The following TRIO variants were observed in gnomAD, a reference collection of about 807,000 sequenced individuals.
The protein encoded by TRIO is trio Rho guanine nucleotide exchange factor.
TRIO carries 58 observed loss-of-function variants against 351.9 expected under a neutral mutation model. That is an observed-to-expected ratio of 0.16 (90% CI 0.13 to 0.21). The LOEUF is 0.21. Among genes scored for constraint, TRIO ranks in the 10% least tolerant of loss-of-function variants. The pLI, the probability that TRIO is intolerant of heterozygous loss-of-function variation, is 1.00. For missense variants in TRIO, 3,201 were observed against 4,027.8 expected (o/e 0.79, Z 5.56); for synonymous variants, 1,758 against 1,595.7 (o/e 1.10, Z -2.42).
At chr5:14,448,694 A>G (rs757160620) in intron 34 of TRIO, among the ~76,000 whole-genome samples, 33 of 152,108 alleles carry the variant, frequency 2.2e-4, no homozygotes, top group African/African-American at 8.0e-4. Context: ...GCTGCTGGGC[A>G]TGGATGTCTT....
At chr5:14,221,348 G>A (rs1203682679) in intron 1 of TRIO, among the ~76,000 whole-genome samples, 1 of 152,140 alleles carries the variant, frequency 6.6e-6, no homozygotes, top group African/African-American at 2.4e-5. Flanking sequence ...CATCCGTACT[G>A]CAGCCCATGG....
intron 1 of TRIO, among the ~76,000 whole-genome samples, chr5:14,227,104 G>A (rs910432555): frequency 1.3e-5 from 2 of 152,222 alleles, no homozygotes; most frequent in African/African-American, 4.8e-5. Context: ...AGGAAACGCT[G>A]TGTTATCTTA....
intron 37 of TRIO, among the ~76,000 whole-genome samples, chr5:14,466,863 T>C (rs1288881700): frequency 6.6e-6 from 1 of 152,252 alleles, no homozygotes; most frequent in Non-Finnish European, 1.5e-5. Flanking sequence ...GATTACCTCT[T>C]TCCTTTATTT....
intron 11 of TRIO, among the ~76,000 whole-genome samples, chr5:14,349,518 T>G (rs1237537308): frequency 6.6e-6 from 1 of 152,218 alleles, no homozygotes; most frequent in Non-Finnish European, 1.5e-5. Context: ...GGCCCAAGGT[T>G]AAGCTGTGCT....
chr5:14,290,774 C>T lies in TRIO; in HGVS notation c.599C>T (p.Pro200Leu), dbSNP rs1736838148. 6.2e-7 allele frequency: 1 copy of T among 1,613,980 alleles called. No homozygotes were observed. The highest frequency in any genetic ancestry group is 1.7e-5 in the Admixed American group (1 of 59,986). ...GTAGTTGATCCTTCTCAGCTAACTC[C>T]TGAGTTTGATGGCTGCCTGGAATAC... is the stretch of plus-strand genomic sequence containing the variant. ...TKVVDPSQLT[P>L]EFDGCLEYNH... The change falls in exon 5 of 57, where the codon CCT becomes CTT. Residue 200 changes from proline (P) to leucine (L), a missense_variant. By Grantham distance (98) the Pro-to-Leu change is moderately conservative (BLOSUM62 -3). Transcript: ENST00000344204.
intron 1 of TRIO, among the ~76,000 whole-genome samples, chr5:14,237,947 T>C (rs550595068): frequency 1.3e-5 from 2 of 152,334 alleles, no homozygotes; most frequent in African/African-American, 4.8e-5. Context: ...TTACTCTTTG[T>C]TGGACAAATT....
chr5:14,185,076 G>C (rs1477584599), intron 1 of TRIO, among the ~76,000 whole-genome samples: 1 of 152,022 alleles, frequency 6.6e-6, no homozygotes, highest in Admixed American at 6.6e-5. Flanking sequence ...CATCTCAAAG[G>C]CATTTTAGTT....
chr5:14,460,999 CCT>C lies in TRIO; in HGVS notation c.5204-15_5204-14del, dbSNP rs1177755071. 8 of 1,538,376 alleles carry C rather than the reference CCT, an allele frequency of 5.2e-6. No individual in the cohort carries two copies. The highest frequency in any genetic ancestry group is 2.7e-5 in the African/African-American group (2 of 72,738). ...GGGTCTGTGCGAGTCAGTGATACTCCCTCTCTTTCTCCCTGGCAGACTCGCTC... is the reference window on the plus strand; with the variant it reads ...GGGTCTGTGCGAGTCAGTGATACTCCCTCTTTCTCCCTGGCAGACTCGCTC... On this transcript the variant is annotated intron_variant, in intron 34 of 56. Transcript: ENST00000344204.
At chr5:14,292,926 C>T (rs1022597132) in intron 5 of TRIO, 86 bp from the exon 6 acceptor site, 17 of 1,581,502 alleles carry the variant, frequency 1.1e-5, no homozygotes, top group Middle Eastern at 1.7e-4. Flanking sequence ...GGAAGTTGCC[C>T]TTTCTTGGTA....
chr5:14,470,812 C>T (rs1579751517), intron 37 of TRIO, among the ~76,000 whole-genome samples: 1 of 152,196 alleles, frequency 6.6e-6, no homozygotes, highest in Admixed American at 6.5e-5. Context: ...AGTCAAAGCT[C>T]TAGTAGGATA....
chr5:14,324,651 A>T (rs1037234618), intron 9 of TRIO, among the ~76,000 whole-genome samples: 1 of 152,158 alleles, frequency 6.6e-6, no homozygotes, highest in Non-Finnish European at 1.5e-5. Flanking sequence ...CTCCATTTGA[A>T]TCTCTTTTCT....
At chr5:14,410,977 G>T (rs553382090) in intron 33 of TRIO, among the ~76,000 whole-genome samples, 2 of 152,306 alleles carry the variant, frequency 1.3e-5, no homozygotes, top group Admixed American at 6.5e-5. Flanking sequence ...CTGACACAAT[G>T]ATCTTATGAA....
At chr5:14,476,821 A>G in intron 40 of TRIO, 73 bp from the exon 41 acceptor site, 1 of 1,340,644 alleles carries the variant, frequency 7.5e-7, no homozygotes, top group African/African-American at 1.5e-5. Context: ...AGAAAAAGAA[A>G]AAATGTAAAC....
chr5:14,292,715 G>A (rs1737015947), intron 5 of TRIO, among the ~76,000 whole-genome samples: 1 of 152,214 alleles, frequency 6.6e-6, no homozygotes, highest in African/African-American at 2.4e-5. Flanking sequence ...TGGGCTGAGA[G>A]TCAGAGGATC....
In TRIO at chr5:14,205,999, G is replaced by A. The variant is rs898979264; in HGVS notation, c.157+62117G>A. On this transcript the variant is annotated intron_variant, in intron 1 of 56. Coordinates refer to ENST00000344204, the MANE Select transcript of TRIO (RefSeq NM_007118.4). ...TCTGCCTGCCTCAGTCTCCTAAAGC[G>A]TTGGGATTACAGGTATGAGCCACTG... Among the ~76,000 whole-genome samples, 3 of 152,138 alleles carry A rather than the reference G, an allele frequency of 2.0e-5. No homozygotes were observed. The East Asian group carries it at 5.8e-4, about 29-fold the overall frequency.
In TRIO at chr5:14,286,907, G is replaced by C; in HGVS notation, c.384G>C (p.Val128=). 1 of 1,613,870 alleles carries C rather than the reference G, an allele frequency of 6.2e-7. No individual in the cohort carries two copies. The change falls in exon 4 of 57, where the codon GTG becomes GTC. Residue 128 remains valine (V), a synonymous_variant. Transcript: ENST00000344204. This position sits in a 1 kb window ranked among gnomAD's most constrained non-coding sequence, Gnocchi z 4.4. The part of the protein sequence containing the change: ...EVCKRGFTVI[V]DMRGSKWDSI... ...GCAAGCGTGGCTTCACGGTGATCGT[G>C]GACATGCGTGGGTCCAAGTGGGACT...
At chr5:14,367,114 G>T in intron 16 of TRIO, 135 bp downstream of exon 16, 1 of 1,254,898 alleles carries the variant, frequency 8.0e-7, no homozygotes. Context: ...GACCCAAATT[G>T]GCAACGCTTC....
rs1317529578 is a variant in TRIO, at chr5:14,359,359, A to G, written c.2219A>G (p.Asp740Gly). 1 of 1,611,634 alleles carries G rather than the reference A, an allele frequency of 6.2e-7. No individual in the cohort carries two copies. The highest frequency in any genetic ancestry group is 8.5e-7 in the Non-Finnish European group (1 of 1,178,066). ...EGEDLIQQLR[D>G]SAISSNKTPH... ...TGTTCCTCTGTGTGCTCTCGCAGGG[A>G]CTCTGCCATCTCCAGTAACAAGACC... The change falls in exon 13 of 57, where the codon GAC (aspartate) becomes GGC (glycine). Residue 740 changes from aspartate (D) to glycine (G), a missense_variant and splice_region_variant. By Grantham distance (94) the Asp-to-Gly change is moderately conservative. Transcript: ENST00000344204.
At chr5:14,185,889 A>G (rs976096936) in intron 1 of TRIO, among the ~76,000 whole-genome samples, 5 of 152,120 alleles carry the variant, frequency 3.3e-5, no homozygotes, top group African/African-American at 4.8e-5. Context: ...TCATCTTCCA[A>G]TTGGAGAAGA....
Sources: allele counts gnomAD v4.1 joint callset (sites outside exome capture counted in the v4.1 genomes callset), GRCh38; gene constraint gnomAD v4.1.1; non-coding constraint Gnocchi (gnomAD v3.1); transcripts MANE v1.5; gene names NCBI Gene and HGNC (gene_info 2026-07-23, HGNC 2026-07-21).